Variants in METTL25 observed in about 807,000 individuals in gnomAD.
METTL25 encodes the protein probable methyltransferase-like protein 25.
A neutral mutation model predicts 71.6 loss-of-function variants in METTL25; 64 were observed. That is an observed-to-expected ratio of 0.89 (90% CI 0.73 to 1.10). The LOEUF (loss-of-function observed/expected upper bound fraction) is 1.10. METTL25 is among the 50% of genes least tolerant of loss of function. METTL25 has a pLI of 0.00. For missense variants in METTL25, 807 were observed against 707.0 expected (o/e 1.14, Z -1.60); for synonymous variants, 287 against 250.3 (o/e 1.15, Z -1.38).
At chr12:82,423,763 C>T (rs1888732747) in intron 5 of METTL25, among the ~76,000 whole-genome samples, 1 of 152,160 alleles carries the variant, frequency 6.6e-6, no homozygotes, top group Admixed American at 6.6e-5. Flanking sequence ...GACATTTATG[C>T]AGCCAACAGG....
intron 8 of METTL25, among the ~76,000 whole-genome samples, chr12:82,442,765 T>G (rs770358968): frequency 5.3e-5 from 8 of 152,170 alleles, no homozygotes; most frequent in Non-Finnish European, 4.4e-5. Flanking sequence ...TGTGATTTTA[T>G]AATTATTTTA....
chr12:82,477,930 T>A (rs956441440), intron 11 of METTL25, among the ~76,000 whole-genome samples: 4 of 151,874 alleles, frequency 2.6e-5, no homozygotes, highest in Non-Finnish European at 5.9e-5. Context: ...AACCCATTCA[T>A]GGACTCACCG....
At chr12:82,464,605 A>G (rs924624240) in intron 9 of METTL25, among the ~76,000 whole-genome samples, 8 of 151,740 alleles carry the variant, frequency 5.3e-5, no homozygotes, top group Non-Finnish European at 1.0e-4. Context: ...GATCTTTTGT[A>G]ACTCCATACA....
At chr12:82,369,688 G>T in intron 1 of METTL25, 1 of 230,866 alleles carries the variant, frequency 4.3e-6, no homozygotes, top group Non-Finnish European at 8.8e-6. Flanking sequence ...GCTGCTGTTG[G>T]CTGGGGTGGC....
At chr12:82,441,536 T>C (rs1398096257) in intron 8 of METTL25, among the ~76,000 whole-genome samples, 1 of 151,570 alleles carries the variant, frequency 6.6e-6, no homozygotes, top group Non-Finnish European at 1.5e-5. Flanking sequence ...ATGTATAAAA[T>C]GAATACAAAA....
In METTL25 at chr12:82,399,007, G is replaced by T. The variant is rs1228610709; in HGVS notation, c.744G>T (p.Val248=). ...TAAAAATGGCAAAAGAAAGGAAAGT[G>T]CAAAATAAAGTTAAAAATAAAGCTG... is the stretch of plus-strand genomic sequence containing the variant. The part of the protein sequence containing the change: ...LALKMAKERK[V]QNKVKNKADT... The change falls in exon 4 of 12, where the codon GTG becomes GTT. Residue 248 remains valine, a synonymous_variant. Transcript: ENST00000248306. The T allele has an allele frequency of 1.2e-6, 2 of 1,608,792 alleles. No homozygotes were observed. The highest frequency in any genetic ancestry group is 1.7e-6 in the Non-Finnish European group (2 of 1,177,948).
At chr12:82,421,754 G>T (rs1185782683) in intron 5 of METTL25, among the ~76,000 whole-genome samples, 1 of 152,172 alleles carries the variant, frequency 6.6e-6, no homozygotes, top group African/African-American at 2.4e-5. Context: ...TACCATCGGA[G>T]AATACTATAA....
intron 1 of METTL25, 142 bp downstream of exon 1, chr12:82,358,966 CG>C (rs764859061): frequency 3.7e-6 from 3 of 800,110 alleles, no homozygotes; most frequent in Non-Finnish European, 6.0e-6. Context: ...GAGGAGGGGT[CG>C]GATTAGTTGA....
At chr12:82,359,719 A>T (rs1364923615) in intron 1 of METTL25, among the ~76,000 whole-genome samples, 1 of 152,158 alleles carries the variant, frequency 6.6e-6, no homozygotes, top group Non-Finnish European at 1.5e-5. Context: ...TACCCTCAAG[A>T]AATGTAGATT....
At chr12:82,432,518 ATATCCCT>A (rs1258188006) in intron 6 of METTL25, among the ~76,000 whole-genome samples, 1 of 151,732 alleles carries the variant, frequency 6.6e-6, no homozygotes, top group African/African-American at 2.4e-5. Flanking sequence ...GAACTATGTA[ATATCCCT>A]TAGAAAGACA....
intron 9 of METTL25, among the ~76,000 whole-genome samples, chr12:82,471,405 T>C (rs1378677705): frequency 6.6e-6 from 1 of 152,230 alleles, no homozygotes; most frequent in Non-Finnish European, 1.5e-5. Flanking sequence ...TTCCTGGATA[T>C]TTATTATGCA....
In METTL25 at chr12:82,424,556, ATATG is replaced by A. The variant is rs201895611; in HGVS notation, c.1280-6333_1280-6330del. Among the ~76,000 whole-genome samples, 313 of 151,610 alleles carry A rather than the reference ATATG, an allele frequency of 2.1e-3. 8 individuals carry two copies. In the East Asian group the frequency reaches 0.054, roughly 26 times the overall value. On this transcript the variant is annotated intron_variant, in intron 5 of 11. Transcript: ENST00000248306. The stretch of plus-strand genomic sequence containing the variant: ...ATAATATAAAACTATATATATATAT[ATATG>A]TATAAAGGATATTGATAATGCAAAA...
At position 82,476,708 on chromosome 12, in the gene METTL25, C is replaced by A; in HGVS notation, c.1637C>A (p.Ala546Asp). Residue 546 changes from alanine to aspartate, a missense_variant, in exon 10 of 12, where the codon GCT becomes GAT. Transcript: ENST00000248306. ...AAGCCTCGAATGAATGAGCTGGAAG[C>A]TTTTAATATGGTAAATCTCAGAGTT... ...KYKPRMNELE[A>D]FNMLKVVLAP... 6.3e-7 allele frequency: 1 copy of A among 1,588,140 alleles called. No homozygotes were observed. The highest frequency in any genetic ancestry group is 2.3e-5 in the East Asian group (1 of 44,054).
intron 3 of METTL25, among the ~76,000 whole-genome samples, chr12:82,392,069 A>T (rs1288711523): frequency 1.3e-5 from 2 of 148,378 alleles, no homozygotes; most frequent in African/African-American, 2.5e-5. Context: ...GCCCATTTTT[A>T]TTTTTTTATT....
At chr12:82,478,877 C>CT (rs1317516825) in intron 11 of METTL25, 55 bp from the exon 12 acceptor site, 14 of 1,381,290 alleles carry the variant, frequency 1.0e-5, no homozygotes, top group Middle Eastern at 1.8e-4. Flanking sequence ...CAACTCGCGT[C>CT]TAATTTTTTT....
intron 1 of METTL25, among the ~76,000 whole-genome samples, chr12:82,380,349 A>G (rs538176945): frequency 2.0e-5 from 3 of 152,274 alleles, no homozygotes; most frequent in East Asian, 1.9e-4. Flanking sequence ...TGTAATCTGT[A>G]CAGTAAACCC....
At chr12:82,441,259 T>C (rs1316302550) in intron 8 of METTL25, among the ~76,000 whole-genome samples, 2 of 150,712 alleles carry the variant, frequency 1.3e-5, no homozygotes, top group Non-Finnish European at 3.0e-5. Context: ...GACAAAATAA[T>C]GTAAATCTAA....
At chr12:82,460,789 G>A (rs969911938) in intron 9 of METTL25, among the ~76,000 whole-genome samples, 2 of 152,168 alleles carry the variant, frequency 1.3e-5, no homozygotes, top group East Asian at 3.9e-4. Context: ...AAAGAAATTT[G>A]AATATAATGG....
intron 8 of METTL25, chr12:82,439,788 G>C (rs1890188052): frequency 2.0e-5 from 15 of 749,678 alleles, no homozygotes; most frequent in Non-Finnish European, 2.4e-5. Flanking sequence ...GTTGAAAAAA[G>C]CCATAAAATT....
Sources: gnomAD v4.1 joint callset for allele counts (sites outside exome capture counted in the v4.1 genomes callset) on GRCh38, gnomAD v4.1.1 for gene constraint, MANE v1.5 for transcripts, NCBI Gene and HGNC (gene_info 2026-07-23, HGNC 2026-07-21) for gene names.